DDX23: variants seen among roughly 807,000 people sequenced by gnomAD.
DDX23 encodes the protein DEAD-box helicase 23, also known as probable ATP-dependent RNA helicase DDX23.
Under a neutral mutation model 102.7 loss-of-function variants are expected in DDX23, and 33 were observed. That is an observed-to-expected ratio of 0.32 (90% CI 0.24 to 0.43). The LOEUF (loss-of-function observed/expected upper bound fraction) is 0.43, where lower values mean the gene tolerates loss of function less well. Ranked by LOEUF, DDX23 falls within the 20% of genes least tolerant of loss-of-function variation. DDX23 has a pLI of 1.00. For missense variants in DDX23, 549 were observed against 1,086.6 expected, an observed-to-expected ratio of 0.51 and a Z score of 6.96; for synonymous variants, 352 against 376.0, an observed-to-expected ratio of 0.94 and a Z score of 0.74.
chr12:48,843,095 GGCA>G (rs1302222720), intron 3 of DDX23, among the ~76,000 whole-genome samples: 1 of 149,682 alleles, frequency 6.7e-6, no homozygotes, highest in African/African-American at 2.5e-5. Context: ...GATGCTTGAA[GGCA>G]GCATGCTCGT....
rs895524988 is a variant in DDX23 at position 48,833,544 on chromosome 12, A to G, written c.1561-25T>C. 3.1e-6 allele frequency: 5 copies of G among 1,607,518 alleles called. No homozygotes were observed. The African/African-American group carries it at 6.7e-5, about 21-fold the overall frequency. ...TCTGAGGAGTACAGTATAATCATTTATAGCCCAGCAGGTGCCCCTTCTTTT... is the reference window on the plus strand; with the variant it reads ...TCTGAGGAGTACAGTATAATCATTTGTAGCCCAGCAGGTGCCCCTTCTTTT... On this transcript the variant is annotated intron_variant, in intron 12 of 16. Coordinates refer to ENST00000308025, the MANE Select transcript of DDX23 (RefSeq NM_004818.3).
In DDX23 at chr12:48,845,563, A is replaced by T. The variant is rs1938651827; in HGVS notation, c.209+11T>A. 3 of 1,614,116 alleles carry T rather than the reference A, an allele frequency of 1.9e-6. No homozygotes were observed. The highest frequency in any genetic ancestry group is 2.2e-5 in the East Asian group (1 of 44,888). On this transcript the variant is annotated intron_variant, in intron 2 of 16. Coordinates refer to ENST00000308025, the MANE Select transcript of DDX23 (RefSeq NM_004818.3). ...TCCCTTCCCATGTAATAACATACAA[A>T]GTTACTTTACCTTTCTGCAGATTTG...
chr12:48,839,212 C>T (rs756706149), intron 5 of DDX23, among the ~76,000 whole-genome samples: 2 of 151,776 alleles, frequency 1.3e-5, no homozygotes, highest in African/African-American at 2.4e-5. Flanking sequence ...CCTAGTACCT[C>T]AGAATTTGAC....
Position 48,837,906 on chromosome 12 carries a change from T to C in DDX23, c.619+36A>G, listed in dbSNP as rs754854320. The C allele has an allele frequency of 1.4e-5, 22 of 1,611,530 alleles. 1 individual carries two copies. The South Asian group carries it at 2.3e-4, about 17-fold the overall frequency. On this transcript the variant is annotated intron_variant, in intron 6 of 16. Coordinates refer to ENST00000308025, the MANE Select transcript of DDX23 (RefSeq NM_004818.3). ...CTGTATCTCATCCCACTCTTTCCTCTTCCATCTAGGGGCTACACAGGGTAG... is the reference window on the plus strand; with the variant it reads ...CTGTATCTCATCCCACTCTTTCCTCCTCCATCTAGGGGCTACACAGGGTAG...
rs751038212 is a variant in DDX23 at position 48,837,608 on chromosome 12, C to T, written c.669G>A (p.Arg223=). 4 of 1,614,170 alleles carry T rather than the reference C, an allele frequency of 2.5e-6. No individual in the cohort carries two copies. Among genetic ancestry groups the T allele is most frequent in the Non-Finnish European group, 3.4e-6 (4 of 1,180,038 alleles). The change falls in exon 7 of 17, where the codon CGG becomes CGA. Residue 223 remains arginine (R), a synonymous_variant. Coordinates refer to ENST00000308025, the MANE Select transcript of DDX23 (RefSeq NM_004818.3). The stretch of plus-strand genomic sequence containing the variant: ...CCTCATCCTCATTTCCATTGGTCTC[C>T]CGTTCCATCCTCTCCCTGCGTTCCC... ...ERRERRERME[R]ETNGNEDEEG... is the part of the protein sequence containing the mutation.
At position 48,845,839 on chromosome 12, in the gene DDX23, T is replaced by C. The variant is rs1938658518; in HGVS notation, c.1-57A>G. The stretch of plus-strand genomic sequence containing the variant: ...ACTAGGCACTGCTCTAAACTGCTTA[T>C]ATATAATTCAATTACCCTCAAAACA... On this transcript the variant is annotated intron_variant, in intron 1 of 16. Coordinates refer to ENST00000308025, the MANE Select transcript of DDX23 (RefSeq NM_004818.3). The C allele has an allele frequency of 2.6e-6, 4 of 1,556,102 alleles. No homozygotes were observed. In the African/African-American group the frequency reaches 4.1e-5, roughly 16 times the overall value.
At position 48,837,616 on chromosome 12, in the gene DDX23, T is replaced by A. The variant is rs745589171; in HGVS notation, c.661A>T (p.Met221Leu). The A allele has an allele frequency of 6.2e-7, 1 of 1,614,106 alleles. No individual in the cohort carries two copies. The highest frequency in any genetic ancestry group is 1.1e-5 in the South Asian group (1 of 91,080). The part of the protein sequence containing the change: ...ERERRERRER[M>L]ERETNGNEDE... ...TCATTTCCATTGGTCTCCCGTTCCA[T>A]CCTCTCCCTGCGTTCCCGACGTTCC... Residue 221 changes from methionine (M) to leucine (L), a missense_variant, in exon 7 of 17, where the codon ATG (methionine) becomes TTG (leucine). Met to Leu is a conservative substitution (Grantham distance 15). Transcript: ENST00000308025.
In DDX23 at chr12:48,836,613, G is replaced by C; in HGVS notation, c.1192C>G (p.Leu398Val). The change falls in exon 10 of 17, where the codon CTG (leucine) becomes GTG (valine). Residue 398 changes from leucine to valine, a missense_variant. Leu to Val is a conservative substitution (Grantham distance 32). Transcript: ENST00000308025. This position sits in a 1 kb window ranked among gnomAD's most constrained non-coding sequence, Gnocchi z 6.1. ...NPIRSWKDSS[L>V]PPHILEVIDK... The stretch of plus-strand genomic sequence containing the variant: ...ATGACCTCCAAGATGTGTGGGGGCA[G>C]AGAAGAGTCTTTCCAGGATCGGATG... 1 of 1,614,078 alleles carries C rather than the reference G, an allele frequency of 6.2e-7. No homozygotes were observed. Among genetic ancestry groups the C allele is most frequent in the South Asian group, 1.1e-5 (1 of 91,068 alleles).
intron 3 of DDX23, among the ~76,000 whole-genome samples, chr12:48,841,143 T>G (rs1367445555): frequency 6.6e-6 from 1 of 152,008 alleles, no homozygotes; most frequent in African/African-American, 2.4e-5. Context: ...CCCAGCACTT[T>G]GAGAGGCCGA....
Position 48,832,176 on chromosome 12 carries a change from G to A in DDX23, c.1966C>T (p.Leu656=), listed in dbSNP as rs1030623967. 1 of 1,613,970 alleles carries A rather than the reference G, an allele frequency of 6.2e-7. No homozygotes were observed. Among genetic ancestry groups the A allele is most frequent in the African/African-American group, 1.3e-5 (1 of 74,948 alleles). The change falls in exon 15 of 17, where the codon CTG becomes TTG. Residue 656 remains leucine, a synonymous_variant. Transcript: ENST00000308025. The surrounding 1 kb of genome is among the most constrained non-coding windows in gnomAD (Gnocchi z 4.4). ...TCAAAGCCTTGCTCCAAGATTGCCA[G>A]CAGCTTTTTCCTGGAAGGAAGAGGA... ...MSESEKRKKL[L]AILEQGFDPP... is the part of the protein sequence containing the mutation.
At chr12:48,843,862 AT>A (rs1938616441) in intron 3 of DDX23, 77 bp downstream of exon 3, 1 of 1,509,304 alleles carries the variant, frequency 6.6e-7, no homozygotes, top group Non-Finnish European at 9.2e-7. Context: ...ATCTACTTTC[AT>A]AAGAAGCTGA....
intron 1 of DDX23, among the ~76,000 whole-genome samples, chr12:48,851,201 G>C (rs1003685590): frequency 6.6e-6 from 1 of 152,254 alleles, no homozygotes; most frequent in Non-Finnish European, 1.5e-5. Context: ...GTCGGACGCG[G>C]TGGCTCACGC....
At chr12:48,849,964 A>G (rs1160005721) in intron 1 of DDX23, among the ~76,000 whole-genome samples, 1 of 152,242 alleles carries the variant, frequency 6.6e-6, no homozygotes, top group Non-Finnish European at 1.5e-5. Flanking sequence ...GGATGAGTTC[A>G]GTGAGCTGGG....
At chr12:48,849,523 G>T (rs1357669370) in intron 1 of DDX23, among the ~76,000 whole-genome samples, 1 of 152,090 alleles carries the variant, frequency 6.6e-6, no homozygotes, top group Non-Finnish European at 1.5e-5. Context: ...TTAGCCAGGC[G>T]TGATGTCAGG....
chr12:48,831,469 GGA>G (rs1397991725), intron 15 of DDX23, among the ~76,000 whole-genome samples, 153 bp from the exon 16 acceptor site: 1 of 152,186 alleles, frequency 6.6e-6, no homozygotes, highest in Non-Finnish European at 1.5e-5. Context: ...AGTGAAAGAA[GGA>G]GAGAACAAGT....
rs1938465299 is a variant in DDX23 at position 48,836,109 on chromosome 12, A to G, written c.1382+12T>C. 2.5e-6 allele frequency: 4 copies of G among 1,612,148 alleles called. No individual in the cohort carries two copies. Among genetic ancestry groups the G allele is most frequent in the Non-Finnish European group, 3.4e-6 (4 of 1,179,564 alleles). ...AGACAAACCCACTCCAGCTGGTGCTAGCTGACCTCACCTGTCAATTTTGGG... is the reference window on the plus strand; with the variant it reads ...AGACAAACCCACTCCAGCTGGTGCTGGCTGACCTCACCTGTCAATTTTGGG... On this transcript the variant is annotated intron_variant, in intron 11 of 16. Coordinates refer to ENST00000308025, the MANE Select transcript of DDX23 (RefSeq NM_004818.3). The surrounding 1 kb of genome is among the most constrained non-coding windows in gnomAD (Gnocchi z 6.1).
intron 1 of DDX23, 70 bp from the exon 2 acceptor site, chr12:48,845,852 T>C (rs374319579): frequency 6.7e-7 from 1 of 1,500,176 alleles, no homozygotes; most frequent in Non-Finnish European, 9.1e-7. Context: ...ATAATTCAAT[T>C]ACCCTCAAAA....
chr12:48,839,988 G>T (rs1169443027), intron 4 of DDX23, 25 bp downstream of exon 4: 1 of 1,612,300 alleles, frequency 6.2e-7, no homozygotes, highest in Admixed American at 1.7e-5. Flanking sequence ...AGTTGAAGAT[G>T]AAAAATATCC....
rs1565675769 is a variant in DDX23, at chr12:48,834,464, G to T, written c.1416C>A (p.Ile472=). 1 of 1,614,164 alleles carries T rather than the reference G, an allele frequency of 6.2e-7. No individual in the cohort carries two copies. The highest frequency in any genetic ancestry group is 8.5e-7 in the Non-Finnish European group (1 of 1,180,020). ...IEESDQGPYA[I]ILAPTRELAQ... ...CCAACTCACGGGTGGGAGCCAGGAT[G>T]ATGGCATAAGGGCCTTGGTCTGACT... is the stretch of plus-strand genomic sequence containing the variant. The change falls in exon 12 of 17, where the codon ATC becomes ATA. Residue 472 remains isoleucine (I), a synonymous_variant. Coordinates refer to ENST00000308025, the MANE Select transcript of DDX23 (RefSeq NM_004818.3).
Sources: allele counts gnomAD v4.1 joint callset (sites outside exome capture counted in the v4.1 genomes callset), GRCh38; gene constraint gnomAD v4.1.1; non-coding constraint Gnocchi (gnomAD v3.1); transcripts MANE v1.5; gene names NCBI Gene and HGNC (gene_info 2026-07-23, HGNC 2026-07-21).